Variants in RYR2 observed in about 807,000 individuals in gnomAD.
RYR2 encodes the protein ryanodine receptor 2, also known as cardiac muscle ryanodine receptor-calcium release channel.
Under a neutral mutation model 601.1 loss-of-function variants are expected in RYR2, and 227 were observed. The ratio of observed to expected loss-of-function variants is 0.38; its 90% confidence interval spans 0.34 to 0.42. The LOEUF is 0.42. Ranked by LOEUF, RYR2 falls within the 10% of genes least tolerant of loss-of-function variation. RYR2 has a pLI of 1.00. For missense variants in RYR2, 4,646 were observed against 6,156.5 expected (o/e 0.75, Z 8.21); for synonymous variants, 2,223 against 2,175.1 (o/e 1.02, Z -0.61).
intron 76 of RYR2, among the ~76,000 whole-genome samples, chr1:237,728,312 C>T (rs996585474): frequency 5.3e-5 from 8 of 152,132 alleles, no homozygotes; most frequent in African/African-American, 1.2e-4. Flanking sequence ...TAGCATCCTC[C>T]TCAAATGTGC....
At chr1:237,687,546 G>T (rs1356763434) in intron 63 of RYR2, 42 bp downstream of exon 63, 2 of 1,500,288 alleles carry the variant, frequency 1.3e-6, no homozygotes, top group East Asian at 2.3e-5. Context: ...GCCATCACTT[G>T]GTTTTCTTTG....
At position 237,167,708 on chromosome 1, in the gene RYR2, C is replaced by CT. The variant is rs11288225; in HGVS notation, c.49-102764dup. On this transcript the variant is annotated intron_variant, in intron 1 of 104. Coordinates refer to ENST00000366574, the MANE Select transcript of RYR2 (RefSeq NM_001035.3). ...AACTGATGTCTGATTGATCCACCTC[C>CT]TTTTTTTTTTTTTTTTTTTTTTTTT... Among the ~76,000 whole-genome samples the CT allele has an allele frequency of 6.2e-3, 623 of 101,086 alleles. 3 individuals are homozygous for CT. Among genetic ancestry groups the CT allele is most frequent in the South Asian group, 9.8e-3 (26 of 2,650 alleles). 66.3% of individuals were successfully genotyped at this position (101,086 alleles called of 152,430 possible).
At chr1:237,701,032 T>C (rs1687923809) in intron 65 of RYR2, among the ~76,000 whole-genome samples, 1 of 152,186 alleles carries the variant, frequency 6.6e-6, no homozygotes, top group Admixed American at 6.5e-5. Flanking sequence ...ATGCCCAAGA[T>C]TACGTGGAAA....
chr1:237,462,543 C>T (rs539934549), intron 16 of RYR2, among the ~76,000 whole-genome samples: 10 of 152,170 alleles, frequency 6.6e-5, no homozygotes, highest in South Asian at 2.1e-4. Context: ...GAGAAATGGC[C>T]GCTGGGCAAA....
At chr1:237,187,266 G>T (rs890749941) in intron 1 of RYR2, among the ~76,000 whole-genome samples, 1 of 151,306 alleles carries the variant, frequency 6.6e-6, no homozygotes, top group Non-Finnish European at 1.5e-5. Context: ...TGCTTCCTGG[G>T]TTCAAGTGAT....
At chr1:237,348,717 G>A (rs1471768165) in intron 3 of RYR2, among the ~76,000 whole-genome samples, 1 of 152,096 alleles carries the variant, frequency 6.6e-6, no homozygotes, top group Non-Finnish European at 1.5e-5. Context: ...CATGTAAGGA[G>A]TCAGGATCAA....
intron 84 of RYR2, among the ~76,000 whole-genome samples, chr1:237,764,402 ATTTTTTTTTTTTT>A (rs59485547): frequency 5.7e-5 from 4 of 69,962 alleles, no homozygotes; most frequent in Admixed American, 1.7e-4. Context: ...CTTAGGTAGC[ATTTTTTTTTTTTT>A]TTTTTTTTTT....
At chr1:237,141,960 G>C (rs1170866348) in intron 1 of RYR2, among the ~76,000 whole-genome samples, 5 of 152,206 alleles carry the variant, frequency 3.3e-5, no homozygotes, top group Admixed American at 1.3e-4. Context: ...TAACAACTGT[G>C]CCAGGATTTT....
chr1:237,255,838 A>AAT (rs140289099), intron 1 of RYR2, among the ~76,000 whole-genome samples: 1 of 142,860 alleles, frequency 7.0e-6, no homozygotes, highest in Non-Finnish European at 1.5e-5. Context: ...TTGCTATACC[A>AAT]GTGTGTGTGT....
rs564806219 is a variant in RYR2, at chr1:237,614,422, C to T, written c.5294C>T (p.Ser1765Phe). The T allele has an allele frequency of 5.0e-6, 8 of 1,614,016 alleles. No individual in the cohort carries two copies. Among genetic ancestry groups the T allele is most frequent in the Non-Finnish European group, 4.2e-6 (5 of 1,179,890 alleles). Residue 1765 changes from serine (S) to phenylalanine (F), a missense_variant, in exon 37 of 105, where the codon TCC becomes TTC. Around this residue, in one of 17 missense-constraint regions of RYR2, gnomAD observed 1,807 missense variants for 2,088.1 expected, o/e 0.87. Transcript: ENST00000366574. The surrounding 1 kb of genome is among the most constrained non-coding windows in gnomAD (Gnocchi z 4.3). The part of the protein sequence containing the change: ...TSLRPRMQFS[S>F]PSFVSISNEC... ...CTCAGGCCACGGATGCAGTTTTCCTCCCCCAGTTTTGTAAGCATTAGTAAT... is the reference window on the plus strand; with the variant it reads ...CTCAGGCCACGGATGCAGTTTTCCTTCCCCAGTTTTGTAAGCATTAGTAAT...
At chr1:237,048,062 G>A (rs939279203) in intron 1 of RYR2, among the ~76,000 whole-genome samples, 8 of 152,208 alleles carry the variant, frequency 5.3e-5, no homozygotes, top group Middle Eastern at 3.4e-3. Context: ...TTGCCTCTCG[G>A]ACCCCAGAAA....
At chr1:237,756,804 T>A (rs1692995190) in intron 81 of RYR2, among the ~76,000 whole-genome samples, 1 of 152,212 alleles carries the variant, frequency 6.6e-6, no homozygotes. Flanking sequence ...ACAAACAGCG[T>A]GGCTGTGTTC....
At chr1:237,783,246 G>A (rs1695273257) in intron 89 of RYR2, among the ~76,000 whole-genome samples, 1 of 152,064 alleles carries the variant, frequency 6.6e-6, no homozygotes, top group Non-Finnish European at 1.5e-5. Context: ...GTAAAATTAG[G>A]GTTAACAAAA....
Position 237,610,967 on chromosome 1 carries a change from T to G in RYR2, c.4889T>G (p.Leu1630Arg). The change falls in exon 36 of 105, where the codon CTT becomes CGT. Residue 1630 changes from leucine (L) to arginine (R), a missense_variant. Leu to Arg is a moderately radical substitution (Grantham distance 102). Coordinates refer to ENST00000366574, the MANE Select transcript of RYR2 (RefSeq NM_001035.3). The surrounding 1 kb of genome is among the most constrained non-coding windows in gnomAD (Gnocchi z 4.9). ...TTGGATCCTCTGCAGTTCATGTCTCTTCATATCCCTGAGGAAAACAGGTCA... is the reference window on the plus strand; with the variant it reads ...TTGGATCCTCTGCAGTTCATGTCTCGTCATATCCCTGAGGAAAACAGGTCA... The part of the protein sequence containing the change: ...QCLDPLQFMS[L>R]HIPEENRSVD... 2 of 1,612,874 alleles carry G rather than the reference T, an allele frequency of 1.2e-6. No homozygotes were observed. Among genetic ancestry groups the G allele is most frequent in the African/African-American group, 1.3e-5 (1 of 75,036 alleles).
rs912516294 is a variant in RYR2 at position 237,471,295 on chromosome 1, T to G, written c.1708+2108T>G. On this transcript the variant is annotated intron_variant, in intron 17 of 104. Coordinates refer to ENST00000366574, the MANE Select transcript of RYR2 (RefSeq NM_001035.3). ...CTTCTCTATGTCTGCAGCTCGATTT[T>G]GCAGGCTGCTCTTTGTTAGAAAAGA... 2.0e-5 allele frequency: 3 copies of G among 152,344 alleles called. No individual in the cohort carries two copies. The South Asian group carries it at 6.2e-4, about 32-fold the overall frequency. 9.4% of individuals were successfully genotyped at this position (152,344 alleles called of 1,614,324 possible). A position where few individuals can be genotyped will look rare whatever the true frequency, so the allele number is the denominator to read the frequency against.
At chr1:237,168,310 G>A (rs1181646427) in intron 1 of RYR2, among the ~76,000 whole-genome samples, 2 of 151,990 alleles carry the variant, frequency 1.3e-5, no homozygotes, top group East Asian at 1.9e-4. Flanking sequence ...TCATGCAGGG[G>A]GTGCTGGGTT....
chr1:237,803,763 A>G (rs1310716561), intron 98 of RYR2, among the ~76,000 whole-genome samples: 1 of 152,122 alleles, frequency 6.6e-6, no homozygotes, highest in Non-Finnish European at 1.5e-5. Flanking sequence ...AATTATTCAT[A>G]TGGACTCCTC....
chr1:237,684,361 C>T (rs1313178389), intron 62 of RYR2, among the ~76,000 whole-genome samples: 1 of 152,170 alleles, frequency 6.6e-6, no homozygotes, highest in East Asian at 1.9e-4. Flanking sequence ...CAAGTAGACA[C>T]GTACATATAG....
At chr1:237,327,436 A>G (rs1305314391) in intron 2 of RYR2, among the ~76,000 whole-genome samples, 1 of 152,258 alleles carries the variant, frequency 6.6e-6, no homozygotes, top group Non-Finnish European at 1.5e-5. Context: ...TTAAAATAAC[A>G]TGAGATATTA....
Sources: gnomAD v4.1 joint callset for allele counts (sites outside exome capture counted in the v4.1 genomes callset) on GRCh38, gnomAD v4.1.1 for gene constraint, gnomAD v4.1.1 regional missense constraint, Gnocchi (gnomAD v3.1) non-coding constraint, MANE v1.5 for transcripts, NCBI Gene and HGNC (gene_info 2026-07-23, HGNC 2026-07-21) for gene names.